Variants in PPP2R3A observed in about 807,000 individuals in gnomAD.
The protein encoded by PPP2R3A is serine/threonine-protein phosphatase 2A regulatory subunit B'' subunit alpha.
PPP2R3A carries 80 observed loss-of-function variants against 106.9 expected under a neutral mutation model. The observed-to-expected ratio is 0.75, with a 90% CI of 0.62 to 0.90. PPP2R3A has a LOEUF of 0.90. Among genes scored for constraint, PPP2R3A ranks in the 40% least tolerant of loss-of-function variants. PPP2R3A has a pLI of 0.00. For missense variants in PPP2R3A, 1,386 were observed against 1,350.4 expected (o/e 1.03, Z -0.41); for synonymous variants, 483 against 468.3 (o/e 1.03, Z -0.41).
chr3:135,995,703 C>T (rs976091997), intron 1 of PPP2R3A, among the ~76,000 whole-genome samples: 2 of 152,046 alleles, frequency 1.3e-5, no homozygotes, highest in Non-Finnish European at 2.9e-5. Context: ...GAACTCCTGA[C>T]CTCAGGCAGT....
intron 12 of PPP2R3A, among the ~76,000 whole-genome samples, chr3:136,103,786 C>G (rs181283801): frequency 2.0e-5 from 3 of 152,130 alleles, no homozygotes; most frequent in South Asian, 2.1e-4. Flanking sequence ...TTCCCCATCA[C>G]GGTAAAAACT....
intron 1 of PPP2R3A, among the ~76,000 whole-genome samples, chr3:135,972,147 G>A (rs770704489): frequency 1.5e-4 from 23 of 152,040 alleles, no homozygotes; most frequent in African/African-American, 4.6e-4. Context: ...TACCCCTACC[G>A]TCTGGCACCC....
intron 5 of PPP2R3A, among the ~76,000 whole-genome samples, chr3:136,050,645 AC>A (rs779104309): frequency 6.6e-6 from 1 of 152,040 alleles, no homozygotes; most frequent in Non-Finnish European, 1.5e-5. Context: ...TTTTAGCTGC[AC>A]CCCTAGGGTG....
In PPP2R3A at chr3:136,086,716, A is replaced by G. The variant is rs185050009; in HGVS notation, c.2789-1167A>G. 2.1e-3 allele frequency among the ~76,000 whole-genome samples: 326 copies of G among 152,288 alleles called. 2 individuals carry two copies. The highest frequency in any genetic ancestry group is 1.9e-3 in the South Asian group (9 of 4,820). On this transcript the variant is annotated intron_variant, in intron 8 of 13. Transcript: ENST00000264977. ...GCAAAATATAGAAGGTCTTTATATA[A>G]GCTTTGGTGTGTGGCCAGGCACGGC...
chr3:136,002,542 T>C lies in PPP2R3A; in HGVS notation c.1044T>C (p.Phe348=). The change falls in exon 2 of 14, where the codon TTT becomes TTC. Residue 348 remains phenylalanine (F), a synonymous_variant. Transcript: ENST00000264977. ...VQLSASDSGR[F]QTIELQNDKP... Reference sequence around the variant, plus strand: ...TCTCAGCTTCTGACTCTGGACGATTTCAAACTATTGAATTGCAAAATGACA... The same window carrying C: ...TCTCAGCTTCTGACTCTGGACGATTCCAAACTATTGAATTGCAAAATGACA... The C allele has an allele frequency of 6.2e-7, 1 of 1,614,042 alleles. No individual in the cohort carries two copies. Among genetic ancestry groups the C allele is most frequent in the Non-Finnish European group, 8.5e-7 (1 of 1,179,946 alleles).
intron 13 of PPP2R3A, among the ~76,000 whole-genome samples, chr3:136,136,064 AAAAAAAAAATT>A (rs1553760613): frequency 1.1e-5 from 1 of 94,372 alleles, no homozygotes; most frequent in African/African-American, 4.1e-5. Context: ...AAAAAAAAAA[AAAAAAAAAATT>A]ATATATATAT....
chr3:136,055,150 CT>C, intron 5 of PPP2R3A: 2 of 749,964 alleles, frequency 2.7e-6, no homozygotes, highest in South Asian at 2.2e-5. Context: ...TCCTTTTAGG[CT>C]TACTTTGGTG....
intron 13 of PPP2R3A, among the ~76,000 whole-genome samples, chr3:136,115,726 C>G (rs1194168335): frequency 6.6e-6 from 1 of 151,700 alleles, no homozygotes; most frequent in Non-Finnish European, 1.5e-5. Context: ...AACAAAGTCT[C>G]CAAGAAATAT....
At chr3:136,060,124 C>T (rs539118578) in intron 5 of PPP2R3A, among the ~76,000 whole-genome samples, 3 of 152,150 alleles carry the variant, frequency 2.0e-5, no homozygotes, top group East Asian at 3.9e-4. Flanking sequence ...CATGAGCACC[C>T]GAACTTAAAA....
At position 136,091,182 on chromosome 3, in the gene PPP2R3A, G is replaced by A. The variant is rs74918560; in HGVS notation, c.2927+515G>A. Among the ~76,000 whole-genome samples the A allele has an allele frequency of 7.1e-3, 1,088 of 152,196 alleles. 15 individuals carry two copies. The highest frequency in any genetic ancestry group is 0.025 in the African/African-American group (1,037 of 41,528). Reference sequence around the variant, plus strand: ...TTTAGGCAAAAAATCTAGATGCCTCGCTTCTTATCCCTACTTTGTGTAACA... The same window carrying A: ...TTTAGGCAAAAAATCTAGATGCCTCACTTCTTATCCCTACTTTGTGTAACA... On this transcript the variant is annotated intron_variant, in intron 10 of 13. Transcript: ENST00000264977.
At position 136,101,985 on chromosome 3, in the gene PPP2R3A, AATG is replaced by A; in HGVS notation, c.2928-19_2928-17del. 5 of 1,600,636 alleles carry A rather than the reference AATG, an allele frequency of 3.1e-6. No homozygotes were observed. The highest frequency in any genetic ancestry group is 4.3e-6 in the Non-Finnish European group (5 of 1,170,848). ...AAAAGGTCTTTACCAGGCCCATGAT[AATG>A]ATTGTCCTTATCATCTAGCATTGAG... On this transcript the variant is annotated intron_variant, in intron 10 of 13. Coordinates refer to ENST00000264977, the MANE Select transcript of PPP2R3A (RefSeq NM_002718.5).
At chr3:136,026,502 C>A (rs1934661770) in intron 2 of PPP2R3A, among the ~76,000 whole-genome samples, 1 of 152,178 alleles carries the variant, frequency 6.6e-6, no homozygotes, top group Non-Finnish European at 1.5e-5. Context: ...CCAGTTCCAA[C>A]AGAGTGAGAA....
At chr3:135,982,707 G>A (rs985158135) in intron 1 of PPP2R3A, among the ~76,000 whole-genome samples, 1 of 152,104 alleles carries the variant, frequency 6.6e-6, no homozygotes, top group African/African-American at 2.4e-5. Context: ...GATTCTTGAA[G>A]TTGAACCTTG....
intron 1 of PPP2R3A, among the ~76,000 whole-genome samples, chr3:135,986,119 G>A (rs1045708571): frequency 3.0e-4 from 46 of 152,212 alleles, no homozygotes; most frequent in African/African-American, 1.1e-3. Flanking sequence ...TCATCTAAAA[G>A]GGATACAGGG....
At chr3:136,139,921 G>T (rs543389164) in intron 13 of PPP2R3A, among the ~76,000 whole-genome samples, 3 of 150,166 alleles carry the variant, frequency 2.0e-5, no homozygotes, top group East Asian at 3.9e-4. Context: ...CAGGAGAATC[G>T]CTTGAACCCA....
chr3:135,980,470 G>T (rs908149063), intron 1 of PPP2R3A, among the ~76,000 whole-genome samples: 1 of 151,354 alleles, frequency 6.6e-6, no homozygotes, highest in African/African-American at 2.4e-5. Flanking sequence ...GTTGGTAAGT[G>T]TATAATAGAA....
chr3:136,009,077 A>T (rs1319782560), intron 2 of PPP2R3A, among the ~76,000 whole-genome samples: 1 of 152,050 alleles, frequency 6.6e-6, no homozygotes, highest in Non-Finnish European at 1.5e-5. Flanking sequence ...TTGCACTCTG[A>T]ATTCATGATG....
In PPP2R3A at chr3:135,991,154, T is replaced by C. The variant is rs531829612; in HGVS notation, c.-440-9905T>C. On this transcript the variant is annotated intron_variant, in intron 1 of 13. Coordinates refer to ENST00000264977, the MANE Select transcript of PPP2R3A (RefSeq NM_002718.5). ...TTGCGTAAAGGTTATGTATCCACTGTCCTGCCCGCTCAGACTGTGAGCTGC... is the reference window on the plus strand; with the variant it reads ...TTGCGTAAAGGTTATGTATCCACTGCCCTGCCCGCTCAGACTGTGAGCTGC... 3.4e-3 allele frequency among the ~76,000 whole-genome samples: 524 copies of C among 152,282 alleles called. 4 individuals are homozygous for C. The highest frequency in any genetic ancestry group is 0.012 in the African/African-American group (486 of 41,572).
intron 5 of PPP2R3A, among the ~76,000 whole-genome samples, chr3:136,054,870 A>G (rs926232667): frequency 6.6e-6 from 1 of 152,210 alleles, no homozygotes; most frequent in African/African-American, 2.4e-5. Context: ...TTGCAAAGAA[A>G]TGCATTAATT....
Sources: gnomAD v4.1 joint callset for allele counts (sites outside exome capture counted in the v4.1 genomes callset) on GRCh38, gnomAD v4.1.1 for gene constraint, MANE v1.5 for transcripts, NCBI Gene and HGNC (gene_info 2026-07-23, HGNC 2026-07-21) for gene names.